Variants in MLLT3 observed in about 807,000 individuals in gnomAD.
MLLT3 encodes MLLT3 super elongation complex subunit.
A neutral mutation model predicts 53.2 loss-of-function variants in MLLT3; 4 were observed. The ratio of observed to expected loss-of-function variants is 0.08; its 90% confidence interval spans 0.04 to 0.17. MLLT3 has a LOEUF of 0.17. Among genes scored for constraint, MLLT3 ranks in the 10% least tolerant of loss-of-function variants. MLLT3 has a pLI of 1.00. For synonymous variants in MLLT3, 283 were observed against 230.6 expected (o/e 1.23, Z -2.06); for missense variants, 569 against 684.0 (o/e 0.83, Z 1.87).
At chr9:20,391,259 T>TAAATC (rs1203578553) in intron 5 of MLLT3, among the ~76,000 whole-genome samples, 1 of 152,180 alleles carries the variant, frequency 6.6e-6, no homozygotes, top group Non-Finnish European at 1.5e-5. Flanking sequence ...AGTGACTGAT[T>TAAATC]ATCTGTGTTT....
At chr9:20,417,114 C>A (rs866264572) in intron 4 of MLLT3, among the ~76,000 whole-genome samples, 5 of 150,846 alleles carry the variant, frequency 3.3e-5, no homozygotes, top group Non-Finnish European at 5.9e-5. Context: ...CTCAGATACA[C>A]AGCCAGACAT....
At chr9:20,454,335 T>G (rs1472968155) in intron 3 of MLLT3, among the ~76,000 whole-genome samples, 1 of 152,140 alleles carries the variant, frequency 6.6e-6, no homozygotes, top group Non-Finnish European at 1.5e-5. Flanking sequence ...TGTTTTCTTC[T>G]TAAATCTGGC....
At chr9:20,394,344 AAAG>A (rs973021902) in intron 5 of MLLT3, among the ~76,000 whole-genome samples, 1 of 152,178 alleles carries the variant, frequency 6.6e-6, no homozygotes, top group Non-Finnish European at 1.5e-5. Flanking sequence ...AGCTGTGCAA[AAAG>A]AAGATGAGCC....
At chr9:20,515,815 G>A (rs965742500) in intron 2 of MLLT3, among the ~76,000 whole-genome samples, 6 of 152,126 alleles carry the variant, frequency 3.9e-5, no homozygotes, top group African/African-American at 9.7e-5. Context: ...GACCTTATCC[G>A]GATCAGGCTG....
At chr9:20,494,376 G>A (rs766942757) in intron 2 of MLLT3, among the ~76,000 whole-genome samples, 1 of 151,990 alleles carries the variant, frequency 6.6e-6, no homozygotes. Flanking sequence ...ATGCTGATTT[G>A]CTCTGTTTTG....
intron 2 of MLLT3, among the ~76,000 whole-genome samples, chr9:20,538,485 A>G (rs912844711): frequency 1.3e-5 from 2 of 152,194 alleles, no homozygotes; most frequent in African/African-American, 4.8e-5. Flanking sequence ...CTCCACCTCA[A>G]TATCAGGAAT....
intron 2 of MLLT3, among the ~76,000 whole-genome samples, chr9:20,477,551 G>C (rs910541782): frequency 5.3e-5 from 8 of 151,966 alleles, no homozygotes; most frequent in Admixed American, 1.3e-4. Context: ...ATGACCAGAA[G>C]GATGACAAAA....
intron 4 of MLLT3, among the ~76,000 whole-genome samples, chr9:20,430,462 C>A (rs368415794): frequency 9.2e-5 from 14 of 152,262 alleles, no homozygotes; most frequent in East Asian, 7.7e-4. Context: ...CCCTTCCAAA[C>A]AGACTCATAA....
chr9:20,596,705 T>C (rs1820277846), intron 2 of MLLT3, among the ~76,000 whole-genome samples: 1 of 152,032 alleles, frequency 6.6e-6, no homozygotes, highest in Admixed American at 6.6e-5. Context: ...AAAAAATAAA[T>C]AAATAAAATA....
intron 4 of MLLT3, among the ~76,000 whole-genome samples, chr9:20,438,610 A>AT (rs899725413): frequency 2.6e-5 from 4 of 151,906 alleles, no homozygotes; most frequent in Non-Finnish European, 4.4e-5. Context: ...ACTTTATTTT[A>AT]TTTTTTGTAG....
chr9:20,414,288 G>A lies in MLLT3; in HGVS notation c.558C>T (p.Ser186=), dbSNP rs945895178. Reference sequence around the variant, plus strand: ...TTGAAAAACTGGTACTACTGCTGCTGCTGCTGCTGCTACTGCTGCTGCTAC... The same window carrying A: ...TTGAAAAACTGGTACTACTGCTGCTACTGCTGCTGCTACTGCTGCTGCTAC... ...SSSSSSSSSS[S]SSSSTSFSKP... Residue 186 remains serine, a synonymous_variant, in exon 5 of 11, where the codon AGC becomes AGT. Transcript: ENST00000380338. 3 of 1,611,512 alleles carry A rather than the reference G, an allele frequency of 1.9e-6. No homozygotes were observed. The highest frequency in any genetic ancestry group is 4.5e-5 in the East Asian group (2 of 44,832).
At chr9:20,576,712 A>G (rs927648088) in intron 2 of MLLT3, among the ~76,000 whole-genome samples, 1 of 152,214 alleles carries the variant, frequency 6.6e-6, no homozygotes, top group Non-Finnish European at 1.5e-5. Flanking sequence ...ATACGATAAT[A>G]ATGAAAAATT....
intron 5 of MLLT3, among the ~76,000 whole-genome samples, chr9:20,408,401 T>C (rs1184613393): frequency 6.7e-6 from 1 of 149,194 alleles, no homozygotes; most frequent in Non-Finnish European, 1.5e-5. Flanking sequence ...AAAAAAAAAA[T>C]GCGTTAGAAA....
intron 2 of MLLT3, among the ~76,000 whole-genome samples, chr9:20,561,804 C>A (rs772023994): frequency 1.9e-4 from 29 of 152,172 alleles, no homozygotes; most frequent in East Asian, 7.7e-4. Context: ...ATTATCTCTG[C>A]TTATGAAATA....
chr9:20,544,464 G>A lies in MLLT3; in HGVS notation c.193+76190C>T, dbSNP rs572604363. On this transcript the variant is annotated intron_variant, in intron 2 of 10. Transcript: ENST00000380338. ...ATTTCTCCAAAGAAAATATAGAAATGGCCAAGAGGCATATGAGAAGATGTT... is the reference window on the plus strand; with the variant it reads ...ATTTCTCCAAAGAAAATATAGAAATAGCCAAGAGGCATATGAGAAGATGTT... Among the ~76,000 whole-genome samples the A allele has an allele frequency of 5.3e-5, 8 of 152,258 alleles. No homozygotes were observed. In the South Asian group the frequency reaches 1.2e-3, roughly 24 times the overall value.
chr9:20,452,968 T>C (rs1045504873), intron 3 of MLLT3, among the ~76,000 whole-genome samples: 1 of 152,194 alleles, frequency 6.6e-6, no homozygotes. Context: ...CAATAAGGTA[T>C]TGTACACTTA....
intron 2 of MLLT3, among the ~76,000 whole-genome samples, chr9:20,602,590 A>G (rs1820453796): frequency 1.3e-5 from 2 of 152,154 alleles, no homozygotes; most frequent in Non-Finnish European, 2.9e-5. Context: ...AGTGACAGTC[A>G]AACTATTTCC....
chr9:20,542,453 T>C (rs1818664619), intron 2 of MLLT3, among the ~76,000 whole-genome samples: 1 of 152,062 alleles, frequency 6.6e-6, no homozygotes, highest in Non-Finnish European at 1.5e-5. Context: ...GGTTTCACCT[T>C]GTTAGCCAGG....
intron 4 of MLLT3, among the ~76,000 whole-genome samples, chr9:20,439,927 C>A (rs1434963499): frequency 6.6e-6 from 1 of 152,064 alleles, no homozygotes; most frequent in Non-Finnish European, 1.5e-5. Context: ...ATGTTAGATT[C>A]CTTCTTGAAA....
Sources: gnomAD v4.1 joint callset for allele counts (sites outside exome capture counted in the v4.1 genomes callset) on GRCh38, gnomAD v4.1.1 for gene constraint, MANE v1.5 for transcripts, NCBI Gene and HGNC (gene_info 2026-07-23, HGNC 2026-07-21) for gene names.